The following LIPI variants were observed in gnomAD, a reference collection of about 807,000 sequenced individuals.
The protein encoded by LIPI is lipase member I.
Under a neutral mutation model 50.6 loss-of-function variants are expected in LIPI, and 59 were observed. The observed-to-expected ratio is 1.16, with a 90% CI of 0.94 to 1.45. The LOEUF (loss-of-function observed/expected upper bound fraction) is 1.45. LIPI is among the 40% of genes most tolerant of loss of function. The pLI is 0.00. For missense variants in LIPI, 586 were observed against 536.3 expected (o/e 1.09, Z -0.92); for synonymous variants, 203 against 178.2 (o/e 1.14, Z -1.11).
chr21:14,126,944 A>G (rs1056902099), intron 9 of LIPI, among the ~76,000 whole-genome samples: 1 of 152,234 alleles, frequency 6.6e-6, no homozygotes, highest in Non-Finnish European at 1.5e-5. Context: ...AACTCTTTGT[A>G]TGTATGAAAA....
At chr21:14,188,383 C>A (rs1166774799) in intron 2 of LIPI, among the ~76,000 whole-genome samples, 2 of 151,946 alleles carry the variant, frequency 1.3e-5, no homozygotes, top group African/African-American at 4.8e-5. Flanking sequence ...GCCTGGCCAA[C>A]ATGGTGAAAC....
At chr21:14,157,132 C>T (rs1165673178) in intron 7 of LIPI, among the ~76,000 whole-genome samples, 2 of 151,792 alleles carry the variant, frequency 1.3e-5, no homozygotes, top group Non-Finnish European at 2.9e-5. Flanking sequence ...CCTTGGTGCT[C>T]ATCATGAATT....
At chr21:14,207,790 A>G (rs1190737679) in intron 1 of LIPI, among the ~76,000 whole-genome samples, 1 of 152,198 alleles carries the variant, frequency 6.6e-6, no homozygotes, top group African/African-American at 2.4e-5. Context: ...GAGAAAATGA[A>G]CACGGAAAAA....
intron 9 of LIPI, among the ~76,000 whole-genome samples, chr21:14,132,576 C>A (rs951090139): frequency 2.0e-5 from 3 of 151,984 alleles, no homozygotes; most frequent in East Asian, 3.9e-4. Flanking sequence ...TCAAAGGGAT[C>A]CTAAACATGG....
intron 4 of LIPI, among the ~76,000 whole-genome samples, chr21:14,166,853 C>G (rs1271396975): frequency 2.6e-5 from 4 of 152,180 alleles, no homozygotes; most frequent in African/African-American, 9.7e-5. Flanking sequence ...GAGTGCCAGA[C>G]AGTGGGCGGA....
chr21:14,152,522 A>G (rs57726121), intron 8 of LIPI, 51 bp downstream of exon 8: 359,692 of 894,386 alleles, frequency 0.4, 74,442 homozygotes, highest in East Asian at 0.65. Context: ...GGGATACTGA[A>G]GAAAGCAAAC....
chr21:14,200,405 A>G (rs2020011678), intron 1 of LIPI, among the ~76,000 whole-genome samples: 1 of 152,120 alleles, frequency 6.6e-6, no homozygotes, highest in Non-Finnish European at 1.5e-5. Context: ...ACTTCAGCAA[A>G]GTCTTAGGAT....
At chr21:14,111,478 T>C (rs2016410933) in intron 9 of LIPI, among the ~76,000 whole-genome samples, 1 of 152,094 alleles carries the variant, frequency 6.6e-6, no homozygotes, top group African/African-American at 2.4e-5. Flanking sequence ...TCCTTATATA[T>C]CTTGGAGATT....
At chr21:14,210,608 TAAAC>T (rs758776105) in intron 1 of LIPI, among the ~76,000 whole-genome samples, 188 bp downstream of exon 1, 2 of 151,282 alleles carry the variant, frequency 1.3e-5, no homozygotes, top group East Asian at 1.9e-4. Flanking sequence ...GTCAACTTAT[TAAAC>T]AAACACATGC....
At chr21:14,147,096 A>T (rs2017936371) in intron 8 of LIPI, among the ~76,000 whole-genome samples, 1 of 151,978 alleles carries the variant, frequency 6.6e-6, no homozygotes, top group Admixed American at 6.6e-5. Context: ...ATTCTTAAAC[A>T]CACTAAACTG....
chr21:14,189,083 T>G lies in LIPI; in HGVS notation c.383A>C (p.Asn128Thr). 1 of 1,610,904 alleles carries G rather than the reference T, an allele frequency of 6.2e-7. No individual in the cohort carries two copies. Among genetic ancestry groups the G allele is most frequent in the Non-Finnish European group, 8.5e-7 (1 of 1,179,946 alleles). The stretch of plus-strand genomic sequence containing the variant: ...CAAACTCACAGCAACTTTTCTGGTG[T>G]TTTTAACTGCTCTATTATAAATAAA... The part of the protein sequence containing the change: ...TTFIYNRAVK[N>T]TRKVAVSLSV... The change falls in exon 2 of 10, where the codon AAC (asparagine) becomes ACC (threonine). Residue 128 changes from asparagine to threonine, a missense_variant. Transcript: ENST00000681601.
chr21:14,174,197 C>G (rs2019014958), intron 4 of LIPI, among the ~76,000 whole-genome samples: 1 of 152,152 alleles, frequency 6.6e-6, no homozygotes, highest in African/African-American at 2.4e-5. Flanking sequence ...AACTTTGAAG[C>G]AGCCCTTGAT....
At chr21:14,152,078 T>C (rs920886985) in intron 8 of LIPI, among the ~76,000 whole-genome samples, 1 of 124,696 alleles carries the variant, frequency 8.0e-6, no homozygotes, top group Non-Finnish European at 1.6e-5. Context: ...TTATTTTATT[T>C]ATTTATTTAT....
intron 2 of LIPI, among the ~76,000 whole-genome samples, chr21:14,187,044 G>A (rs74923977): frequency 0.03 from 4,579 of 152,242 alleles, 225 homozygotes; most frequent in African/African-American, 0.1. Flanking sequence ...ATCAGGTTGT[G>A]TCAAAAACCT....
At chr21:14,162,673 G>T (rs1312278048) in intron 7 of LIPI, among the ~76,000 whole-genome samples, 1 of 151,762 alleles carries the variant, frequency 6.6e-6, no homozygotes, top group Non-Finnish European at 1.5e-5. Context: ...CTGTTTGACA[G>T]GACACATCAC....
chr21:14,110,353 TGTTTATTTTAA>T (rs893773927), intron 9 of LIPI, among the ~76,000 whole-genome samples: 3,434 of 77,830 alleles, frequency 0.044, 123 homozygotes, highest in African/African-American at 0.17. Context: ...TTTATTTATT[TGTTTATTTTAA>T]ATTCATAAAA....
chr21:14,120,599 G>C (rs1190026201), intron 9 of LIPI, among the ~76,000 whole-genome samples: 1 of 152,110 alleles, frequency 6.6e-6, no homozygotes. Context: ...AAGTGAAAAG[G>C]GCTGCAATGA....
intron 1 of LIPI, among the ~76,000 whole-genome samples, chr21:14,203,484 C>T (rs1457165242): frequency 6.6e-6 from 1 of 152,058 alleles, no homozygotes; most frequent in Non-Finnish European, 1.5e-5. Flanking sequence ...CACATATACA[C>T]CATGGAATAC....
At chr21:14,116,290 G>A (rs987321721) in intron 9 of LIPI, among the ~76,000 whole-genome samples, 3 of 151,986 alleles carry the variant, frequency 2.0e-5, no homozygotes, top group East Asian at 1.9e-4. Context: ...TGTGTCCTCC[G>A]AGGCGAGTGT....
Sources: allele counts gnomAD v4.1 joint callset (sites outside exome capture counted in the v4.1 genomes callset), GRCh38; gene constraint gnomAD v4.1.1; transcripts MANE v1.5; gene names NCBI Gene and HGNC (gene_info 2026-07-23, HGNC 2026-07-21).